Variants in SCRN2 observed in about 807,000 individuals in gnomAD.
SCRN2 encodes secernin 2.
In SCRN2, 30 loss-of-function variants were observed where a neutral mutation model predicts 40.1. That is an observed-to-expected ratio of 0.75 (90% confidence interval 0.56 to 1.01). The LOEUF (loss-of-function observed/expected upper bound fraction) is 1.01, where lower values mean the gene tolerates loss of function less well. SCRN2 is among the 50% of genes least tolerant of loss of function. The pLI is 0.00. For missense variants in SCRN2, 526 were observed against 564.9 expected, an observed-to-expected ratio of 0.93 and a Z score of 0.70; for synonymous variants, 240 against 233.5, an observed-to-expected ratio of 1.03 and a Z score of -0.25.
At position 47,839,432 on chromosome 17, in the gene SCRN2, G is replaced by C; in HGVS notation, c.556+12C>G. On this transcript the variant is annotated intron_variant, in intron 4 of 7. Transcript: ENST00000290216. Reference sequence around the variant, plus strand: ...CCCACTTCCCAAAGCTGGGAGAAAGGGAACACCTCACCCTGGATCCTCTGT... The same window carrying C: ...CCCACTTCCCAAAGCTGGGAGAAAGCGAACACCTCACCCTGGATCCTCTGT... 6.2e-7 allele frequency: 1 copy of C among 1,611,066 alleles called. No homozygotes were observed. The highest frequency in any genetic ancestry group is 8.5e-7 in the Non-Finnish European group (1 of 1,179,270).
chr17:47,839,961 G>T (rs975799464), intron 3 of SCRN2: 4 of 591,624 alleles, frequency 6.8e-6, no homozygotes, highest in Non-Finnish European at 1.2e-5. Context: ...GGGACTCTAT[G>T]TAAGATTTCA....
intron 4 of SCRN2, 43 bp from the exon 5 acceptor site, chr17:47,839,049 C>G (rs771535692): frequency 1.3e-6 from 2 of 1,597,290 alleles, no homozygotes; most frequent in East Asian, 4.5e-5. Context: ...CATTGAGCAT[C>G]TATTCTATGC....
intron 1 of SCRN2, 103 bp from the exon 2 acceptor site, chr17:47,840,946 G>T: frequency 9.2e-7 from 1 of 1,089,968 alleles, no homozygotes; most frequent in Non-Finnish European, 1.2e-6. Context: ...CACCGCCGTG[G>T]CTCCTGGACG....
chr17:47,838,066 A>T, intron 7 of SCRN2, 64 bp from the exon 8 acceptor site: 6 of 1,571,104 alleles, frequency 3.8e-6, no homozygotes, highest in South Asian at 2.3e-5. Flanking sequence ...TGAAGGGGGG[A>T]CTGTGTACCA....
In SCRN2 at chr17:47,839,553, C is replaced by A. The variant is rs748332209; in HGVS notation, c.447G>T (p.Leu149=). Residue 149 remains leucine (L), a synonymous_variant, in exon 4 of 8, where the codon CTG becomes CTT. Coordinates refer to ENST00000290216, the MANE Select transcript of SCRN2 (RefSeq NM_138355.4). ...LEHYGQGGNC[L]EDAAPFSYHS... is the part of the protein sequence containing the mutation. ...GGTAGGAGAATGGCGCAGCATCCTC[C>A]AGGCAGTTGCCCCCCTGCCCATAGT... The A allele has an allele frequency of 3.7e-6, 6 of 1,614,032 alleles. No homozygotes were observed. Among genetic ancestry groups the A allele is most frequent in the Non-Finnish European group, 5.1e-6 (6 of 1,180,042 alleles).
chr17:47,840,217 T>C lies in SCRN2; in HGVS notation c.330A>G (p.Glu110=). Residue 110 remains glutamate, a synonymous_variant, in exon 3 of 8, where the codon GAA becomes GAG. Coordinates refer to ENST00000290216, the MANE Select transcript of SCRN2 (RefSeq NM_138355.4). ...TGAGTAGGTCCATGCCCAGCAGGGC[T>C]TCCCCCTCCCCAACTGGCTCCTTCG... is the stretch of plus-strand genomic sequence containing the variant. ...VWTKEPVGEG[E]ALLGMDLLRL... is the part of the protein sequence containing the mutation. The C allele has an allele frequency of 6.2e-7, 1 of 1,613,826 alleles. No individual in the cohort carries two copies. Among genetic ancestry groups the C allele is most frequent in the East Asian group, 2.2e-5 (1 of 44,886 alleles).
rs773195495 is a variant in SCRN2 at position 47,839,564 on chromosome 17, C to A, written c.436G>T (p.Gly146Cys). The change falls in exon 4 of 8, where the codon GGC (glycine) becomes TGC (cysteine). Residue 146 changes from glycine (G) to cysteine (C), a missense_variant. Transcript: ENST00000290216. ...TGLLEHYGQG[G>C]NCLEDAAPFS... is the part of the protein sequence containing the mutation. Reference sequence around the variant, plus strand: ...GGCGCAGCATCCTCCAGGCAGTTGCCCCCCTGCCCATAGTGCTCCAGTAAC... The same window carrying A: ...GGCGCAGCATCCTCCAGGCAGTTGCACCCCTGCCCATAGTGCTCCAGTAAC... 10 of 1,614,058 alleles carry A rather than the reference C, an allele frequency of 6.2e-6. No individual in the cohort carries two copies. Among genetic ancestry groups the A allele is most frequent in the South Asian group, 1.1e-5 (1 of 91,086 alleles).
chr17:47,840,238 C>T lies in SCRN2; in HGVS notation c.309G>A (p.Lys103=). 1 of 1,614,124 alleles carries T rather than the reference C, an allele frequency of 6.2e-7. No homozygotes were observed. The part of the protein sequence containing the change: ...VCIGNEAVWT[K]EPVGEGEALL... The stretch of plus-strand genomic sequence containing the variant: ...GGGCTTCCCCCTCCCCAACTGGCTC[C>T]TTCGTCCACACAGCCTCGTTGCCAA... The change falls in exon 3 of 8, where the codon AAG becomes AAA. Residue 103 remains lysine, a synonymous_variant. Transcript: ENST00000290216.
chr17:47,840,460 C>T, intron 2 of SCRN2, 88 bp from the exon 3 acceptor site: 20 of 1,449,184 alleles, frequency 1.4e-5, no homozygotes, highest in Non-Finnish European at 1.9e-5. Context: ...TTATAGATCC[C>T]TTTGAGGAAG....
intron 5 of SCRN2, 21 bp downstream of exon 5, chr17:47,838,770 C>T: frequency 1.2e-6 from 2 of 1,611,300 alleles, no homozygotes; most frequent in Non-Finnish European, 1.7e-6. Context: ...TGGCCCCCAG[C>T]CCCCTCCACC....
Position 47,839,479 on chromosome 17 carries a change from G to A in SCRN2, c.521C>T (p.Thr174Ile). Residue 174 changes from threonine to isoleucine, a missense_variant, in exon 4 of 8, where the codon ACA becomes ATA. Physicochemically the swap from Thr to Ile is moderately conservative, Grantham distance 89 (BLOSUM62 -1). Transcript: ENST00000290216. ...ADRTEAWVLETAGRLWAAQRI... is the reference protein window; with the variant it reads ...ADRTEAWVLEIAGRLWAAQRI... ...CTGTGCAGCCCAGAGCCTCCCAGCT[G>A]TCTCCAGCACCCACGCCTCAGTGCG... 1 of 1,613,444 alleles carries A rather than the reference G, an allele frequency of 6.2e-7. No homozygotes were observed. Among genetic ancestry groups the A allele is most frequent in the South Asian group, 1.1e-5 (1 of 91,060 alleles).
At position 47,837,906 on chromosome 17, in the gene SCRN2, G is replaced by T; in HGVS notation, c.1216C>A (p.Leu406Ile). The T allele has an allele frequency of 6.2e-7, 1 of 1,605,222 alleles. No homozygotes were observed. ...GLLAGEWAPPLWELGSLFQAF... is the reference protein window; with the variant it reads ...GLLAGEWAPPIWELGSLFQAF... ...TGGAAGAGGCTGCCCAGCTCCCAGAGGGGTGGGGCCCACTCGCCGGCCAGC... is the reference window on the plus strand; with the variant it reads ...TGGAAGAGGCTGCCCAGCTCCCAGATGGGTGGGGCCCACTCGCCGGCCAGC... The change falls in exon 8 of 8, where the codon CTC becomes ATC. Residue 406 changes from leucine (L) to isoleucine (I), a missense_variant. Coordinates refer to ENST00000290216, the MANE Select transcript of SCRN2 (RefSeq NM_138355.4).
Position 47,840,070 on chromosome 17 carries a change from GTC to G in SCRN2, c.356+119_356+120del, listed in dbSNP as rs1475755035. The G allele has an allele frequency of 3.9e-6, 4 of 1,023,006 alleles. No homozygotes were observed. The African/African-American group carries it at 4.8e-5, about 12-fold the overall frequency. 63.4% of individuals were successfully genotyped at this position (1,023,006 alleles called of 1,614,324 possible). On this transcript the variant is annotated intron_variant, in intron 3 of 7. Coordinates refer to ENST00000290216, the MANE Select transcript of SCRN2 (RefSeq NM_138355.4). ...TTCTTCACGAAGGCACAAGGGCAAA[GTC>G]TGCAGAGAGGAGGAGGCCCCTGTGA...
chr17:47,840,531 A>T lies in SCRN2; in HGVS notation c.174+139T>A, dbSNP rs535993345. 1.4e-5 allele frequency: 17 copies of T among 1,237,458 alleles called. No homozygotes were observed. The African/African-American group carries it at 2.6e-4, about 19-fold the overall frequency. 76.7% of individuals were successfully genotyped at this position (1,237,458 alleles called of 1,614,324 possible). A position where few individuals can be genotyped will look rare whatever the true frequency, so the allele number is the denominator to read the frequency against. ...TAGACTGAGGCTACATAATGAGCTC[A>T]GGTCCAGGTTGGTAGACCTAAAGCT... is the stretch of plus-strand genomic sequence containing the variant. On this transcript the variant is annotated intron_variant, in intron 2 of 7. Coordinates refer to ENST00000290216, the MANE Select transcript of SCRN2 (RefSeq NM_138355.4).
chr17:47,838,362 G>T lies in SCRN2; in HGVS notation c.1027C>A (p.Arg343=). The T allele has an allele frequency of 6.2e-7, 1 of 1,610,762 alleles. No individual in the cohort carries two copies. The highest frequency in any genetic ancestry group is 8.5e-7 in the Non-Finnish European group (1 of 1,178,936). Residue 343 remains arginine, a synonymous_variant, in exon 7 of 8, where the codon CGG becomes AGG. Coordinates refer to ENST00000290216, the MANE Select transcript of SCRN2 (RefSeq NM_138355.4). ...SPTFGAQDPV[R]TLPRFQTQVD... The stretch of plus-strand genomic sequence containing the variant: ...TGAGTCTGGAATCGGGGCAGGGTCC[G>T]AACAGGGTCTTGTGCTCCAAAAGTG...
intron 1 of SCRN2, 57 bp from the exon 2 acceptor site, chr17:47,840,900 C>T: frequency 2.1e-6 from 3 of 1,400,916 alleles, no homozygotes; most frequent in Non-Finnish European, 1.9e-6. Flanking sequence ...CGAGGAGCAG[C>T]CTACCCCCAC....
intron 4 of SCRN2, 72 bp downstream of exon 4, chr17:47,839,372 C>T (rs867928445): frequency 2.7e-6 from 4 of 1,506,602 alleles, no homozygotes; most frequent in East Asian, 2.3e-5. Flanking sequence ...CAGGCTTGCA[C>T]CTGGATCGGG....
At chr17:47,841,036 A>C in intron 1 of SCRN2, 172 bp downstream of exon 1, 1 of 447,688 alleles carries the variant, frequency 2.2e-6, no homozygotes, top group Non-Finnish European at 3.8e-6. Flanking sequence ...GGGAGTCCGC[A>C]GGCGGGCACT....
In SCRN2 at chr17:47,838,964, T is replaced by C; in HGVS notation, c.599A>G (p.Asp200Gly). The change falls in exon 5 of 8, where the codon GAC becomes GGC. Residue 200 changes from aspartate (D) to glycine (G), a missense_variant. Coordinates refer to ENST00000290216, the MANE Select transcript of SCRN2 (RefSeq NM_138355.4). Reference protein sequence around the residue: ...NISNQLSIGTDISAQHPELRT... With the variant: ...NISNQLSIGTGISAQHPELRT... Reference sequence around the variant, plus strand: ...CAGCTCCGGGTGTTGGGCCGAGATGTCCGTGCCAATGCTCAGCTGGTTGGA... The same window carrying C: ...CAGCTCCGGGTGTTGGGCCGAGATGCCCGTGCCAATGCTCAGCTGGTTGGA... 6.2e-7 allele frequency: 1 copy of C among 1,614,034 alleles called. No homozygotes were observed. The highest frequency in any genetic ancestry group is 8.5e-7 in the Non-Finnish European group (1 of 1,180,034).
Sources: gnomAD v4.1 joint callset for allele counts on GRCh38, gnomAD v4.1.1 for gene constraint, MANE v1.5 for transcripts, NCBI Gene and HGNC (gene_info 2026-07-23, HGNC 2026-07-21) for gene names.